The following GLI3 variants were observed in gnomAD, a reference collection of about 807,000 sequenced individuals.
GLI3 encodes the protein GLI family zinc finger 3.
In GLI3, 20 loss-of-function variants were observed where a neutral mutation model predicts 100.8. The observed-to-expected ratio is 0.20, with a 90% CI of 0.14 to 0.29. The LOEUF is 0.29. GLI3 is among the 10% of genes least tolerant of loss of function. GLI3 has a pLI of 1.00. For synonymous variants in GLI3, 938 were observed against 860.5 expected, an observed-to-expected ratio of 1.09 and a Z score of -1.58; for missense variants, 2,040 against 2,128.5, an observed-to-expected ratio of 0.96 and a Z score of 0.82.
rs1192447739 is a variant in GLI3, at chr7:42,237,012, A to G, written c.-84T>C. ...TGTCAAGTCCCCGAACTTCCCATAG[A>G]CCCGCGGACGGGGCGCAGGCTGGCG... On this transcript the variant is annotated 5_prime_UTR_variant, in exon 1 of 15. Coordinates refer to ENST00000395925, the MANE Select transcript of GLI3 (RefSeq NM_000168.6). 1.3e-5 allele frequency: 2 copies of G among 150,444 alleles called. No individual in the cohort carries two copies. Among genetic ancestry groups the G allele is most frequent in the Non-Finnish European group, 3.0e-5 (2 of 67,542 alleles). The allele number at this position is 150,444 out of a possible 1,614,324, so 9.3% of individuals were successfully genotyped here.
rs182574058 is a variant in GLI3, at chr7:42,256,236, A to G, written c.-43+7758T>C. ...ATATGATTTGCAAATATTGTCTCCC[A>G]GTTTGCCTTGTCTTTTTTATCAGTT... On this transcript the variant is annotated intron_variant, in intron 1 of 2. Transcript: ENST00000678978. 2.1e-4 allele frequency among the ~76,000 whole-genome samples: 32 copies of G among 152,066 alleles called. No individual in the cohort carries two copies. The East Asian group carries it at 4.8e-3, about 23-fold the overall frequency.
intron 2 of GLI3, among the ~76,000 whole-genome samples, chr7:42,182,654 A>ATATATATATATATATATACATGTGTG (rs1562775681): frequency 3.7e-5 from 2 of 54,474 alleles, no homozygotes; most frequent in African/African-American, 1.1e-4. Flanking sequence ...GTATATATAT[A>ATATATATATATATATATACATGTGTG]TATATATATA....
chr7:41,992,991 G>T (rs898343594), intron 10 of GLI3, among the ~76,000 whole-genome samples: 3 of 152,260 alleles, frequency 2.0e-5, no homozygotes, highest in African/African-American at 7.2e-5. Context: ...TTGTTGTTTT[G>T]AACCTTTTGT....
chr7:42,256,443 T>A (rs1413184352), intron 1 of GLI3, among the ~76,000 whole-genome samples: 1 of 152,212 alleles, frequency 6.6e-6, no homozygotes, highest in Non-Finnish European at 1.5e-5. Flanking sequence ...TAATCAATTT[T>A]GAGTTAATTT....
At chr7:42,248,134 CGAGTCCTTTCCTAAA>C (rs1788994232) in intron 1 of GLI3, among the ~76,000 whole-genome samples, 1 of 152,192 alleles carries the variant, frequency 6.6e-6, no homozygotes, top group Non-Finnish European at 1.5e-5. Context: ...AGCATACCTT[CGAGTCCTTTCCTAAA>C]GACCCCCATA....
intron 1 of GLI3, among the ~76,000 whole-genome samples, chr7:42,248,899 C>T (rs1403768653): frequency 1.3e-5 from 2 of 151,942 alleles, no homozygotes; most frequent in Admixed American, 6.6e-5. Flanking sequence ...AGGTGGTCCT[C>T]TCACCTCCGT....
At position 41,972,407 on chromosome 7, in the gene GLI3, T is replaced by C; in HGVS notation, c.2033A>G (p.Asp678Gly). The change falls in exon 13 of 15, where the codon GAC (aspartate) becomes GGC (glycine). Residue 678 changes from aspartate to glycine, a missense_variant. Around this residue, in one of 5 missense-constraint regions of GLI3, gnomAD observed 327 missense variants for 338.7 expected, o/e 0.97. Transcript: ENST00000395925. The surrounding 1 kb of genome is among the most constrained non-coding windows in gnomAD (Gnocchi z 4.4). ...CCGCTTTGAGGTAGTGTTGCTGAGG[T>C]CCTGCTGCTCACCAAGGGCTCCCTG... ...PTQGALGEQQ[D>G]LSNTTSKREE... 6.2e-7 allele frequency: 1 copy of C among 1,613,900 alleles called. No homozygotes were observed. The highest frequency in any genetic ancestry group is 8.5e-7 in the Non-Finnish European group (1 of 1,179,970).
chr7:42,223,569 T>C lies in GLI3; in HGVS notation c.-42-274A>G, dbSNP rs1788530621. 2.0e-5 allele frequency among the ~76,000 whole-genome samples: 3 copies of C among 152,168 alleles called. No homozygotes were observed. The South Asian group carries it at 6.2e-4, about 31-fold the overall frequency. On this transcript the variant is annotated intron_variant, in intron 1 of 14. Coordinates refer to ENST00000395925, the MANE Select transcript of GLI3 (RefSeq NM_000168.6). ...CTACTGAGCGTTTGGTATCAAACGG[T>C]ATAAAAATCTCAATTTGCAACTGTG...
chr7:41,994,358 C>T (rs1043217904), intron 10 of GLI3, among the ~76,000 whole-genome samples: 4 of 152,084 alleles, frequency 2.6e-5, no homozygotes, highest in Non-Finnish European at 4.4e-5. Flanking sequence ...ATCTCATTCA[C>T]GGAATAGAAA....
intron 10 of GLI3, among the ~76,000 whole-genome samples, chr7:41,979,899 C>T (rs889719743): frequency 3.3e-5 from 5 of 152,116 alleles, no homozygotes; most frequent in Non-Finnish European, 5.9e-5. Flanking sequence ...GCTCCTAAAG[C>T]GGTGGTCGCT....
chr7:41,978,586 C>T lies in GLI3; in HGVS notation c.1647+13G>A, dbSNP rs149955824. 1,422 of 1,614,024 alleles carry T rather than the reference C, an allele frequency of 8.8e-4. 3 individuals are homozygous for T. The highest frequency in any genetic ancestry group is 7.8e-4 in the Non-Finnish European group (922 of 1,179,878). On this transcript the variant is annotated intron_variant, in intron 11 of 14. Coordinates refer to ENST00000395925, the MANE Select transcript of GLI3 (RefSeq NM_000168.6). ...AGGACCCAAGTGTGCCTGCCACCCA[C>T]TTCTGTACTCACAGTGCATTTGTGA... is the stretch of plus-strand genomic sequence containing the variant.
chr7:42,035,303 C>T (rs890559794), intron 7 of GLI3, among the ~76,000 whole-genome samples: 1 of 152,208 alleles, frequency 6.6e-6, no homozygotes, highest in African/African-American at 2.4e-5. Flanking sequence ...CTGACTTCCA[C>T]CCTGCCTCAG....
intron 1 of GLI3, among the ~76,000 whole-genome samples, chr7:42,254,668 T>C (rs1055222239): frequency 3.3e-5 from 5 of 152,314 alleles, no homozygotes; most frequent in East Asian, 1.9e-4. Context: ...TAATTTCTCA[T>C]TGCTCTCAAA....
rs891794530 is a variant in GLI3, at chr7:42,246,151, G to T, written c.-43+17843C>A. On this transcript the variant is annotated intron_variant, in intron 1 of 2. Coordinates refer to the GLI3 transcript ENST00000678978. ...TCCCTTACCAACTTCCACCTCATGT[G>T]GTTCTGCAGTTGTGCATTCAAACAC... Among the ~76,000 whole-genome samples, 4 of 152,324 alleles carry T rather than the reference G, an allele frequency of 2.6e-5. No homozygotes were observed. The South Asian group carries it at 8.3e-4, about 32-fold the overall frequency.
chr7:42,239,400 G>C (rs1006427654), upstream of GLI3, among the ~76,000 whole-genome samples: 3 of 151,928 alleles, frequency 2.0e-5, no homozygotes, highest in Non-Finnish European at 4.4e-5. Flanking sequence ...GGCTACAAGT[G>C]TGTAAGAATT....
Position 41,972,650 on chromosome 7 carries a change from G to A in GLI3, c.1813-23C>T. 1 of 1,595,858 alleles carries A rather than the reference G, an allele frequency of 6.3e-7. No homozygotes were observed. Among genetic ancestry groups the A allele is most frequent in the Non-Finnish European group, 8.5e-7 (1 of 1,175,448 alleles). On this transcript the variant is annotated intron_variant, in intron 12 of 14. Coordinates refer to ENST00000395925, the MANE Select transcript of GLI3 (RefSeq NM_000168.6). This position sits in a 1 kb window ranked among gnomAD's most constrained non-coding sequence, Gnocchi z 4.4. ...TTTCTGCCAAATCCCACAAGAACGAGGTAAGAGATTGTTATGAAAGAGACT... is the reference window on the plus strand; with the variant it reads ...TTTCTGCCAAATCCCACAAGAACGAAGTAAGAGATTGTTATGAAAGAGACT...
chr7:42,098,410 C>T (rs1785387697), intron 3 of GLI3, among the ~76,000 whole-genome samples: 1 of 152,044 alleles, frequency 6.6e-6, no homozygotes, highest in Non-Finnish European at 1.5e-5. Context: ...TTTTGAGTCC[C>T]AGTTTCCTCA....
chr7:42,220,950 C>G (rs992706246), intron 2 of GLI3, among the ~76,000 whole-genome samples: 1 of 152,156 alleles, frequency 6.6e-6, no homozygotes, highest in East Asian at 1.9e-4. Flanking sequence ...CAAGTTTGAC[C>G]AATCAATGTC....
chr7:42,166,650 C>CTTT (rs1203814510), intron 2 of GLI3, among the ~76,000 whole-genome samples: 15 of 80,246 alleles, frequency 1.9e-4, no homozygotes, highest in East Asian at 3.6e-4. Context: ...GTTCTGATTC[C>CTTT]TTTTTTTTTT....
Sources: gnomAD v4.1 joint callset for allele counts (sites outside exome capture counted in the v4.1 genomes callset) on GRCh38, gnomAD v4.1.1 for gene constraint, gnomAD v4.1.1 regional missense constraint, Gnocchi (gnomAD v3.1) non-coding constraint, MANE v1.5 for transcripts, NCBI Gene and HGNC (gene_info 2026-07-23, HGNC 2026-07-21) for gene names.